LIPE: variants seen among roughly 807,000 people sequenced by gnomAD.
LIPE encodes the protein hormone-sensitive lipase.
LIPE carries 66 observed loss-of-function variants against 88.5 expected under a neutral mutation model. That is an observed-to-expected ratio of 0.75 (90% CI 0.61 to 0.91). The LOEUF is 0.91. Among genes scored for constraint, LIPE ranks in the 40% least tolerant of loss-of-function variants. The pLI is 0.00. For synonymous variants in LIPE, 570 were observed against 617.5 expected (o/e 0.92, Z 1.14); for missense variants, 1,346 against 1,434.7 (o/e 0.94, Z 1.00).
Position 42,407,156 on chromosome 19 carries a change from T to TG in LIPE, c.2137+17dup. On this transcript the variant is annotated intron_variant, in intron 6 of 9. Transcript: ENST00000244289. The surrounding 1 kb of genome is among the most constrained non-coding windows in gnomAD (Gnocchi z 5.8). The stretch of plus-strand genomic sequence containing the variant: ...GGATGGGAGCAGGCGCAGGTGGCTG[T>TG]GGGGGCCTGAGGCTCACCAAGGAGG... 1 of 1,475,352 alleles carries TG rather than the reference T, an allele frequency of 6.8e-7. No homozygotes were observed. The highest frequency in any genetic ancestry group is 9.0e-7 in the Non-Finnish European group (1 of 1,111,066). The allele number at this position is 1,475,352 out of a possible 1,614,324, so 91.4% of individuals were successfully genotyped here.
chr19:42,425,858 A>C (rs998028346), intron 1 of LIPE, among the ~76,000 whole-genome samples: 1 of 152,112 alleles, frequency 6.6e-6, no homozygotes, highest in Non-Finnish European at 1.5e-5. Context: ...GCTGGAGTGC[A>C]GTGGCACGAT....
chr19:42,402,819 C>T lies in LIPE; in HGVS notation c.2755G>A (p.Gly919Arg), dbSNP rs1194432868. The T allele has an allele frequency of 6.2e-7, 1 of 1,613,488 alleles. No individual in the cohort carries two copies. Among genetic ancestry groups the T allele is most frequent in the Non-Finnish European group, 8.5e-7 (1 of 1,179,524 alleles). ...TCATTTTTGGCCTCAGCCTCTTCCCCTGCATCCTCAGGTGGTAATAAGAAG... is the reference window on the plus strand; with the variant it reads ...TCATTTTTGGCCTCAGCCTCTTCCCTTGCATCCTCAGGTGGTAATAAGAAG... Reference protein sequence around the residue: ...VNFLLPPEDAGEEAEAKNELS... With the variant: ...VNFLLPPEDAREEAEAKNELS... Residue 919 changes from glycine to arginine, a missense_variant, in exon 9 of 10, where the codon GGG becomes AGG. Coordinates refer to ENST00000244289, the MANE Select transcript of LIPE (RefSeq NM_005357.4).
chr19:42,417,407 G>A (rs2040509950), intron 1 of LIPE, among the ~76,000 whole-genome samples: 1 of 151,914 alleles, frequency 6.6e-6, no homozygotes, highest in Non-Finnish European at 1.5e-5. Context: ...CTACAGATGG[G>A]CACCACTATG....
At position 42,426,910 on chromosome 19, in the gene LIPE, T is replaced by C. The variant is rs1283001614; in HGVS notation, c.240A>G (p.Lys80=). Residue 80 remains lysine, a synonymous_variant, in exon 1 of 10, where the codon AAA becomes AAG. Transcript: ENST00000244289. The part of the protein sequence containing the change: ...ESQKEPRAQQ[K]SASQEEFLAP... ...CAAGAAATTCCTCTTGTGAAGCAGATTTTTGTTGGGCTCTAGGTTCCTTCT... is the reference window on the plus strand; with the variant it reads ...CAAGAAATTCCTCTTGTGAAGCAGACTTTTGTTGGGCTCTAGGTTCCTTCT... 6.8e-6 allele frequency: 11 copies of C among 1,614,030 alleles called. No individual in the cohort carries two copies. The highest frequency in any genetic ancestry group is 8.5e-6 in the Non-Finnish European group (10 of 1,180,032).
rs142505563 is a variant in LIPE, at chr19:42,425,609, C to T, written c.883+658G>A. Among the ~76,000 whole-genome samples the T allele has an allele frequency of 1.5e-3, 235 of 152,114 alleles. 3 individuals carry two copies. The East Asian group carries it at 0.038, about 24-fold the overall frequency. ...GGAGGCTTGCTTGGGGCCAGGAGTT[C>T]GAGACCAGCCTGGGCAACATAGCGA... On this transcript the variant is annotated intron_variant, in intron 1 of 9. Coordinates refer to ENST00000244289, the MANE Select transcript of LIPE (RefSeq NM_005357.4).
At position 42,427,012 on chromosome 19, in the gene LIPE, A is replaced by T; in HGVS notation, c.138T>A (p.Asn46Lys). ...QPESKTLQGS[N>K]TQQKPASNQR... ...GGTTTGAAGCAGGCTTCTGTTGGGTATTGGATCCCTGCAGAGTCTTCGATT... is the reference window on the plus strand; with the variant it reads ...GGTTTGAAGCAGGCTTCTGTTGGGTTTTGGATCCCTGCAGAGTCTTCGATT... Residue 46 changes from asparagine to lysine, a missense_variant, in exon 1 of 10, where the codon AAT becomes AAA. Coordinates refer to ENST00000244289, the MANE Select transcript of LIPE (RefSeq NM_005357.4). 1 of 1,613,150 alleles carries T rather than the reference A, an allele frequency of 6.2e-7. No individual in the cohort carries two copies. Among genetic ancestry groups the T allele is most frequent in the African/African-American group, 1.3e-5 (1 of 74,638 alleles).
chr19:42,418,234 C>T (rs1178274532), intron 1 of LIPE, among the ~76,000 whole-genome samples: 3 of 152,146 alleles, frequency 2.0e-5, no homozygotes, highest in Non-Finnish European at 2.9e-5. Context: ...TTGCCCACCT[C>T]GGCCTCCCAA....
At chr19:42,405,984 A>T (rs113884040) in intron 7 of LIPE, 177 bp downstream of exon 7, 5,817 of 523,688 alleles carry the variant, frequency 0.011, 127 homozygotes, top group African/African-American at 0.11. Flanking sequence ...TCTCACACAC[A>T]CACACACACA....
chr19:42,412,377 T>C, intron 1 of LIPE: 1 of 985,874 alleles, frequency 1.0e-6, no homozygotes, highest in Non-Finnish European at 1.2e-6. Flanking sequence ...CTCCTAGGCA[T>C]CTTCCGAGCT....
rs1248515666 is a variant in LIPE at position 42,426,867 on chromosome 19, G to T, written c.283C>A (p.Pro95Thr). 3 of 1,614,202 alleles carry T rather than the reference G, an allele frequency of 1.9e-6. No individual in the cohort carries two copies. The South Asian group carries it at 3.3e-5, about 18-fold the overall frequency. The change falls in exon 1 of 10, where the codon CCA (proline) becomes ACA (threonine). Residue 95 changes from proline (P) to threonine (T), a missense_variant. By Grantham distance (38) the Pro-to-Thr change is conservative (BLOSUM62 -1). Transcript: ENST00000244289. ...EEFLAPQKPA[P>T]QQSPYIQRVL... Reference sequence around the variant, plus strand: ...CTTTGGATGTAAGGTGATTGCTGTGGTGCGGGCTTCTGTGGGGCAAGAAAT... The same window carrying T: ...CTTTGGATGTAAGGTGATTGCTGTGTTGCGGGCTTCTGTGGGGCAAGAAAT...
At chr19:42,423,512 G>C (rs1182429598) in intron 1 of LIPE, 3 of 1,273,170 alleles carry the variant, frequency 2.4e-6, no homozygotes, top group African/African-American at 3.1e-5. Context: ...GCCTCGGCGG[G>C]CTCCGTTCCC....
At chr19:42,420,667 C>T (rs1030357153) in intron 1 of LIPE, among the ~76,000 whole-genome samples, 3 of 152,140 alleles carry the variant, frequency 2.0e-5, no homozygotes, top group African/African-American at 7.2e-5. Context: ...CTTCTCCCCA[C>T]CTCCACTGCC....
intron 1 of LIPE, chr19:42,423,694 C>G: frequency 8.7e-7 from 1 of 1,142,904 alleles, no homozygotes; most frequent in Non-Finnish European, 1.1e-6. Flanking sequence ...GGTCTCCCTC[C>G]GCTGCCGTGC....
chr19:42,417,985 A>ATT (rs34206230), intron 1 of LIPE, among the ~76,000 whole-genome samples: 4 of 142,874 alleles, frequency 2.8e-5, no homozygotes, highest in Non-Finnish European at 1.6e-5. Flanking sequence ...ACTGACCCCC[A>ATT]TTTTTTTTTT....
chr19:42,426,582 G>A lies in LIPE; in HGVS notation c.568C>T (p.Pro190Ser). 6.2e-7 allele frequency: 1 copy of A among 1,614,206 alleles called. No homozygotes were observed. The highest frequency in any genetic ancestry group is 8.5e-7 in the Non-Finnish European group (1 of 1,180,048). Residue 190 changes from proline (P) to serine (S), a missense_variant, in exon 1 of 10, where the codon CCA (proline) becomes TCA (serine). Physicochemically the swap from Pro to Ser is moderately conservative, Grantham distance 74. Transcript: ENST00000244289. ...TGCTTGGATTTGGCTCCCTGGACTG[G>A]CGTTGTTTGCTTGTCTGACTGTTCA... ...TPEQSDKQTT[P>S]VQGAKSKQGS...
rs920103273 is a variant in LIPE, at chr19:42,401,803, A to T, written c.*9T>A. ...GACGGAGGCCGGCGCAGATGGGAAC[A>T]ACAGGCTTTTAGTGTCGCCCCCCGC... On this transcript the variant is annotated 3_prime_UTR_variant, in exon 10 of 10. Coordinates refer to ENST00000244289, the MANE Select transcript of LIPE (RefSeq NM_005357.4). The T allele has an allele frequency of 2.0e-6, 3 of 1,481,056 alleles. No homozygotes were observed. Among genetic ancestry groups the T allele is most frequent in the South Asian group, 1.3e-5 (1 of 74,258 alleles). 91.7% of individuals were successfully genotyped at this position (1,481,056 alleles called of 1,614,324 possible).
At position 42,406,021 on chromosome 19, in the gene LIPE, A is replaced by ACACACACG. The variant is rs1568598174; in HGVS notation, c.2365+139_2365+140insCGTGTGTG. 5.2e-5 allele frequency: 31 copies of ACACACACG among 592,818 alleles called. No individual in the cohort carries two copies. In the African/African-American group the frequency reaches 8.5e-4, roughly 16 times the overall value. 36.7% of individuals were successfully genotyped at this position (592,818 alleles called of 1,614,324 possible). A position where few individuals can be genotyped will look rare whatever the true frequency, so the allele number is the denominator to read the frequency against. ...ACACACACACACACACACACACACGAAAAAAAAGGGACAAGGAGTCTTAGA... is the reference window on the plus strand; with the variant it reads ...ACACACACACACACACACACACACGACACACACGAAAAAAAGGGACAAGGAGTCTTAGA... On this transcript the variant is annotated intron_variant, in intron 7 of 9. Coordinates refer to ENST00000244289, the MANE Select transcript of LIPE (RefSeq NM_005357.4). The surrounding 1 kb of genome is among the most constrained non-coding windows in gnomAD (Gnocchi z 5.7).
chr19:42,427,190 A>G lies in LIPE; in HGVS notation c.-41T>C, dbSNP rs773060757. 3 of 1,539,136 alleles carry G rather than the reference A, an allele frequency of 1.9e-6. No individual in the cohort carries two copies. The highest frequency in any genetic ancestry group is 2.3e-5 in the East Asian group (1 of 44,340). ...GGGAGATATTGATCTTCCAGGTTCT[A>G]TCCTTCTGGGCTCCCACCCAGCCCT... On this transcript the variant is annotated 5_prime_UTR_variant, in exon 1 of 10. Coordinates refer to ENST00000244289, the MANE Select transcript of LIPE (RefSeq NM_005357.4).
At position 42,426,403 on chromosome 19, in the gene LIPE, C is replaced by G; in HGVS notation, c.747G>C (p.Thr249=). 2.5e-6 allele frequency: 4 copies of G among 1,614,032 alleles called. No individual in the cohort carries two copies. Among genetic ancestry groups the G allele is most frequent in the Non-Finnish European group, 3.4e-6 (4 of 1,179,994 alleles). The change falls in exon 1 of 10, where the codon ACG becomes ACC. Residue 249 remains threonine (T), a synonymous_variant. Transcript: ENST00000244289. The part of the protein sequence containing the change: ...GSSSDTDSPA[T]MGGMVAQGVK... ...CTCCCTGGGCCACCATTCCACCCAT[C>G]GTGGCTGGAGAATCTGTGTCTGAAG...
Sources: allele counts gnomAD v4.1 joint callset (sites outside exome capture counted in the v4.1 genomes callset), GRCh38; gene constraint gnomAD v4.1.1; non-coding constraint Gnocchi (gnomAD v3.1); transcripts MANE v1.5; gene names NCBI Gene and HGNC (gene_info 2026-07-23, HGNC 2026-07-21).